Variants in ARMC5 observed in about 807,000 individuals in gnomAD.
The protein encoded by ARMC5 is armadillo repeat-containing protein 5.
ARMC5 carries 28 observed loss-of-function variants against 60.5 expected under a neutral mutation model. That is an observed-to-expected ratio of 0.46 (90% confidence interval 0.34 to 0.63). ARMC5 has a LOEUF of 0.63. ARMC5 is among the 30% of genes least tolerant of loss of function. ARMC5 has a pLI of 0.01. For synonymous variants in ARMC5, 680 were observed against 607.3 expected, an observed-to-expected ratio of 1.12 and a Z score of -1.76; for missense variants, 1,189 against 1,304.9, an observed-to-expected ratio of 0.91 and a Z score of 1.37.
rs1197792328 is a variant in ARMC5, at chr16:31,467,036, A to G, written c.*147A>G. The G allele has an allele frequency of 1.1e-5, 12 of 1,122,188 alleles. No individual in the cohort carries two copies. The highest frequency in any genetic ancestry group is 4.2e-5 in the South Asian group (2 of 47,266). The allele number at this position is 1,122,188 out of a possible 1,614,324, so 69.5% of individuals were successfully genotyped here. A position where few individuals can be genotyped will look rare whatever the true frequency, so the allele number is the denominator to read the frequency against. On this transcript the variant is annotated 3_prime_UTR_variant, in exon 6 of 6. Transcript: ENST00000268314. ...GAACCGGACTCCAAGATGACGATCT[A>G]AAGACCCGGGAGCGAGAAGCCAAGG...
chr16:31,464,996 C>T lies in ARMC5; in HGVS notation c.1864+109C>T, dbSNP rs367872334. 2.5e-6 allele frequency: 4 copies of T among 1,610,970 alleles called. No homozygotes were observed. The African/African-American group carries it at 4.0e-5, about 16-fold the overall frequency. On this transcript the variant is annotated intron_variant, in intron 4 of 5. Transcript: ENST00000268314. This position sits in a 1 kb window ranked among gnomAD's most constrained non-coding sequence, Gnocchi z 7.6. ...CTTCCCACTCACCTGTCCTCCCCAG[C>T]CCGTCCTCCAGACAACCTGTCACCA...
At position 31,459,781 on chromosome 16, in the gene ARMC5, A is replaced by T. The variant is rs750844063; in HGVS notation, c.257A>T (p.Gln86Leu). 1.5e-4 allele frequency: 226 copies of T among 1,540,690 alleles called. No homozygotes were observed. The African/African-American group carries it at 2.9e-3, about 19-fold the overall frequency. The change falls in exon 1 of 6, where the codon CAG (glutamine) becomes CTG (leucine). Residue 86 changes from glutamine (Q) to leucine (L), a missense_variant. Coordinates refer to ENST00000268314, the MANE Select transcript of ARMC5 (RefSeq NM_001105247.2). ...RAAAAGSAPS[Q>L]AGPGSAPSSA... is the part of the protein sequence containing the mutation. ...GCTGCAGCGGGTTCCGCCCCGTCCCAGGCAGGCCCCGGCTCCGCCCCCTCG... is the reference window on the plus strand; with the variant it reads ...GCTGCAGCGGGTTCCGCCCCGTCCCTGGCAGGCCCCGGCTCCGCCCCCTCG...
chr16:31,466,505 T>A lies in ARMC5; in HGVS notation c.2424T>A (p.His808Gln). 1 of 1,610,298 alleles carries A rather than the reference T, an allele frequency of 6.2e-7. No homozygotes were observed. Among genetic ancestry groups the A allele is most frequent in the Non-Finnish European group, 8.5e-7 (1 of 1,179,674 alleles). ...GAAWPVLHHL[H>Q]GCRGCGAALG... ...CCTGGCCTGTCCTGCATCATTTGCA[T>A]GGTTGTCGGGGGTGTGGGGCTGCCC... is the stretch of plus-strand genomic sequence containing the variant. The change falls in exon 6 of 6, where the codon CAT (histidine) becomes CAA (glutamine). Residue 808 changes from histidine to glutamine, a missense_variant. Coordinates refer to ENST00000268314, the MANE Select transcript of ARMC5 (RefSeq NM_001105247.2). This position sits in a 1 kb window ranked among gnomAD's most constrained non-coding sequence, Gnocchi z 8.0.
intron 4 of ARMC5, chr16:31,465,176 C>G: frequency 6.2e-7 from 1 of 1,605,788 alleles, no homozygotes; most frequent in Non-Finnish European, 8.5e-7. Context: ...TTTCCTGGCT[C>G]TGCCATTGGT....
chr16:31,463,488 A>G lies in ARMC5; in HGVS notation c.1370+571A>G, dbSNP rs577790900. Among the ~76,000 whole-genome samples the G allele has an allele frequency of 4.6e-5, 7 of 152,324 alleles. No homozygotes were observed. In the East Asian group the frequency reaches 1.3e-3, roughly 29 times the overall value. ...TGGGAGGTGGGATATACGCTGGTTA[A>G]GATGGTGGGCTCTGGAGTCCAAGTT... On this transcript the variant is annotated intron_variant, in intron 3 of 5. Transcript: ENST00000268314.
chr16:31,465,419 T>C (rs2082347669), intron 4 of ARMC5: 1 of 1,125,518 alleles, frequency 8.9e-7, no homozygotes, highest in Non-Finnish European at 1.2e-6. Flanking sequence ...CTCCTATCTC[T>C]GTATGGCCTG....
rs1464576695 is a variant in ARMC5, at chr16:31,467,117, T to TGGCCTGGCCTA, written c.*230_*240dup. Reference sequence around the variant, plus strand: ...AGAACAGCCCAGAGCCCCAGGTGCCTGGCCTGGCCTAGACCTCTGGAATTG... The same window carrying TGGCCTGGCCTA: ...AGAACAGCCCAGAGCCCCAGGTGCCTGGCCTGGCCTAGGCCTGGCCTAGACCTCTGGAATTG... On this transcript the variant is annotated 3_prime_UTR_variant, in exon 6 of 6. Coordinates refer to ENST00000268314, the MANE Select transcript of ARMC5 (RefSeq NM_001105247.2). The TGGCCTGGCCTA allele has an allele frequency of 2.1e-6, 1 of 478,846 alleles. No homozygotes were observed. Among genetic ancestry groups the TGGCCTGGCCTA allele is most frequent in the East Asian group, 3.4e-5 (1 of 29,302 alleles). 29.7% of individuals were successfully genotyped at this position (478,846 alleles called of 1,614,324 possible). A position where few individuals can be genotyped will look rare whatever the true frequency, so the allele number is the denominator to read the frequency against.
At chr16:31,465,202 C>A in intron 4 of ARMC5, 1 of 1,574,114 alleles carries the variant, frequency 6.4e-7, no homozygotes, top group Non-Finnish European at 8.7e-7. Flanking sequence ...ACTGTCCTGA[C>A]TGCTCCCCAC....
chr16:31,465,192 A>G lies in ARMC5; in HGVS notation c.1864+305A>G, dbSNP rs747348522. 5.7e-6 allele frequency: 9 copies of G among 1,576,882 alleles called. No homozygotes were observed. The East Asian group carries it at 1.8e-4, about 32-fold the overall frequency. On this transcript the variant is annotated intron_variant, in intron 4 of 5. Coordinates refer to ENST00000268314, the MANE Select transcript of ARMC5 (RefSeq NM_001105247.2). ...TTCCTGGCTCTGCCATTGGTTCAGC[A>G]CTGTCCTGACTGCTCCCCACCAGCA...
Position 31,462,880 on chromosome 16 carries a change from C to T in ARMC5, c.1333C>T (p.Pro445Ser). Residue 445 changes from proline to serine, a missense_variant, in exon 3 of 6, where the codon CCT (proline) becomes TCT (serine). Coordinates refer to ENST00000268314, the MANE Select transcript of ARMC5 (RefSeq NM_001105247.2). The surrounding 1 kb of genome is among the most constrained non-coding windows in gnomAD (Gnocchi z 7.2). ...ASWDFPEERT[P>S]ERAQGGSFRS... ...CTGGGACTTTCCTGAGGAGAGGACC[C>T]CTGAGCGGGCACAGGGTGGAAGCTT... The T allele has an allele frequency of 6.2e-7, 1 of 1,610,916 alleles. No homozygotes were observed. Among genetic ancestry groups the T allele is most frequent in the Non-Finnish European group, 8.5e-7 (1 of 1,178,516 alleles).
rs775592992 is a variant in ARMC5 at position 31,459,643 on chromosome 16, T to C, written c.119T>C (p.Leu40Pro). 5 of 1,592,036 alleles carry C rather than the reference T, an allele frequency of 3.1e-6. No homozygotes were observed. Among genetic ancestry groups the C allele is most frequent in the Non-Finnish European group, 3.4e-6 (4 of 1,176,836 alleles). ...GACCCAGCGACCAACGAGACACCCC[T>C]GAGCCGCGCGCTCCTAGCCCTCCGC... ...EKDPATNETP[L>P]SRALLALRTR... The change falls in exon 1 of 6, where the codon CTG becomes CCG. Residue 40 changes from leucine to proline, a missense_variant. Leu to Pro is a moderately conservative substitution (Grantham distance 98). Transcript: ENST00000268314.
Position 31,462,264 on chromosome 16 carries a change from G to T in ARMC5, c.717G>T (p.Val239=). ...HRLALAQQGA[V]RPLAELLATA... Reference sequence around the variant, plus strand: ...TGGCCTTGGCACAGCAGGGAGCAGTGCGTCCGCTGGCCGAGCTCCTGGCCA... The same window carrying T: ...TGGCCTTGGCACAGCAGGGAGCAGTTCGTCCGCTGGCCGAGCTCCTGGCCA... The change falls in exon 3 of 6, where the codon GTG becomes GTT. Residue 239 remains valine, a synonymous_variant. Transcript: ENST00000268314. The surrounding 1 kb of genome is among the most constrained non-coding windows in gnomAD (Gnocchi z 7.2). 1 of 1,609,526 alleles carries T rather than the reference G, an allele frequency of 6.2e-7. No individual in the cohort carries two copies.
chr16:31,462,355 T>A lies in ARMC5; in HGVS notation c.808T>A (p.Ser270Thr), dbSNP rs2082311509. ...CCTCCTGGAACTCAGCCGAGGCTGC[T>A]CCCGGGCCTGTGCTGAGCAGCTAAG... is the stretch of plus-strand genomic sequence containing the variant. ...RALLELSRGC[S>T]RACAEQLSLG... The change falls in exon 3 of 6, where the codon TCC becomes ACC. Residue 270 changes from serine to threonine, a missense_variant. Ser to Thr is a moderately conservative substitution (Grantham distance 58). Transcript: ENST00000268314. The surrounding 1 kb of genome is among the most constrained non-coding windows in gnomAD (Gnocchi z 7.2). The A allele has an allele frequency of 1.2e-6, 2 of 1,610,558 alleles. No homozygotes were observed. The highest frequency in any genetic ancestry group is 4.5e-5 in the East Asian group (2 of 44,824).
At position 31,459,690 on chromosome 16, in the gene ARMC5, G is replaced by GGGGGAATCGAGCGCTTCC; in HGVS notation, c.170_187dup (p.Gly57_Arg62dup). On this transcript the variant is annotated inframe_insertion, in exon 1 of 6. Transcript: ENST00000268314. ...CCGCACGCGCCACATCAAGGCAGCG[G>GGGGGAATCGAGCGCTTCC]GGGGAATCGAGCGCTTCCGGGCACG... The GGGGGAATCGAGCGCTTCC allele has an allele frequency of 6.4e-7, 1 of 1,572,326 alleles. No individual in the cohort carries two copies. The highest frequency in any genetic ancestry group is 8.6e-7 in the Non-Finnish European group (1 of 1,169,356).
chr16:31,460,305 T>C, intron 1 of ARMC5: 1 of 367,976 alleles, frequency 2.7e-6, no homozygotes, highest in Non-Finnish European at 4.9e-6. Context: ...ATTCTTACCG[T>C]CCAGTTATGA....
upstream of ARMC5, chr16:31,458,438 G>A: frequency 1.9e-5 from 29 of 1,535,756 alleles, no homozygotes; most frequent in Non-Finnish European, 2.4e-5. Flanking sequence ...TCACCGGTGT[G>A]TACCCAGTGG....
At chr16:31,459,325 A>C (rs147875284), upstream of ARMC5, 1,238 of 1,535,024 alleles carry the variant, frequency 8.1e-4, no homozygotes, top group Non-Finnish European at 9.8e-4. Context: ...ACGTCCCAGG[A>C]TGCGCTGCGA....
upstream of ARMC5, chr16:31,459,219 T>A (rs3813002): frequency 1.3e-6 from 2 of 1,531,724 alleles, no homozygotes; most frequent in Non-Finnish European, 1.7e-6. Context: ...TCGGAGGCCC[T>A]GGCCCACCTG....
Position 31,466,793 on chromosome 16 carries a change from G to A in ARMC5, c.2712G>A (p.Gly904=). The change falls in exon 6 of 6, where the codon GGG becomes GGA. Residue 904 remains glycine (G), a synonymous_variant. Coordinates refer to ENST00000268314, the MANE Select transcript of ARMC5 (RefSeq NM_001105247.2). The surrounding 1 kb of genome is among the most constrained non-coding windows in gnomAD (Gnocchi z 8.0). ...CPRKRGLALV[G]LVEAAGEEAG... is the part of the protein sequence containing the mutation. ...GGAAGCGGGGTCTGGCCCTGGTGGG[G>A]CTTGTGGAGGCAGCAGGTGAAGAGG... 1 of 1,590,676 alleles carries A rather than the reference G, an allele frequency of 6.3e-7. No individual in the cohort carries two copies. Among genetic ancestry groups the A allele is most frequent in the Non-Finnish European group, 8.5e-7 (1 of 1,169,802 alleles).
Sources: gnomAD v4.1 joint callset for allele counts (sites outside exome capture counted in the v4.1 genomes callset) on GRCh38, gnomAD v4.1.1 for gene constraint, Gnocchi (gnomAD v3.1) non-coding constraint, MANE v1.5 for transcripts, NCBI Gene and HGNC (gene_info 2026-07-23, HGNC 2026-07-21) for gene names.